SLK: variants seen among roughly 807,000 people sequenced by gnomAD.
SLK encodes STE20-like serine/threonine-protein kinase.
A neutral mutation model predicts 147.7 loss-of-function variants in SLK; 67 were observed. That is an observed-to-expected ratio of 0.45 (90% CI 0.37 to 0.56). The LOEUF (loss-of-function observed/expected upper bound fraction) is 0.56, where lower values mean the gene tolerates loss of function less well. Among genes scored for constraint, SLK ranks in the 20% least tolerant of loss-of-function variants. SLK has a pLI of 0.00. For missense variants in SLK, 1,136 were observed against 1,438.8 expected, an observed-to-expected ratio of 0.79 and a Z score of 3.41; for synonymous variants, 441 against 475.0, an observed-to-expected ratio of 0.93 and a Z score of 0.93.
At chr10:104,015,963 A>G (rs1373868980) in intron 13 of SLK, among the ~76,000 whole-genome samples, 1 of 152,188 alleles carries the variant, frequency 6.6e-6, no homozygotes, top group Admixed American at 6.5e-5. Flanking sequence ...TGTTGAACAA[A>G]AGAAAACCCT....
At chr10:103,985,535 A>G (rs1391750254) in intron 1 of SLK, among the ~76,000 whole-genome samples, 1 of 152,132 alleles carries the variant, frequency 6.6e-6, no homozygotes. Context: ...GATTGATAGA[A>G]TCAGTCCCAG....
chr10:103,992,698 A>G (rs577562821), intron 3 of SLK, 52 bp downstream of exon 3: 33 of 1,487,942 alleles, frequency 2.2e-5, no homozygotes, highest in East Asian at 2.1e-4. Context: ...ACTTGATAAG[A>G]TGAAAGAATT....
intron 12 of SLK, among the ~76,000 whole-genome samples, chr10:104,010,571 A>C (rs1020439197): frequency 1.3e-5 from 2 of 152,208 alleles, no homozygotes; most frequent in African/African-American, 4.8e-5. Flanking sequence ...TTTAAGAAAG[A>C]GAATGATACA....
At chr10:104,019,694 T>C in intron 15 of SLK, 40 bp from the exon 16 acceptor site, 1 of 1,475,296 alleles carries the variant, frequency 6.8e-7, no homozygotes, top group South Asian at 1.1e-5. Flanking sequence ...GTACTGACTA[T>C]TGTTTCTGCG....
intron 1 of SLK, among the ~76,000 whole-genome samples, chr10:103,990,190 G>A (rs776239257): frequency 3.3e-5 from 5 of 152,198 alleles, no homozygotes; most frequent in Non-Finnish European, 7.3e-5. Context: ...GGAGGAAGGA[G>A]GGGATGAGTA....
rs144592789 is a variant in SLK at position 103,993,793 on chromosome 10, T to G, written c.514+660T>G. 2.2e-3 allele frequency among the ~76,000 whole-genome samples: 328 copies of G among 152,328 alleles called. 3 individuals are homozygous for G. The highest frequency in any genetic ancestry group is 7.5e-3 in the African/African-American group (310 of 41,572). ...CAAATTTGTATATTTTGGAAGGCTA[T>G]TCAAAGGACAAAATATATTCAGAAG... On this transcript the variant is annotated intron_variant, in intron 4 of 18. Transcript: ENST00000369755.
rs536402214 is a variant in SLK, at chr10:104,024,620, A to G, written c.3562-954A>G. Among the ~76,000 whole-genome samples the G allele has an allele frequency of 2.0e-5, 3 of 152,254 alleles. 1 individual carries two copies. In the South Asian group the frequency reaches 6.2e-4, roughly 32 times the overall value. ...ATCAAATTCTTATCTTTCCTTCAGC[A>G]CTAAGCTCATGTTTCACCTCTTTTG... On this transcript the variant is annotated intron_variant, in intron 18 of 18. Coordinates refer to ENST00000369755, the MANE Select transcript of SLK (RefSeq NM_014720.4).
intron 4 of SLK, among the ~76,000 whole-genome samples, chr10:103,995,969 TGGTTCTCAA>T (rs1844165916): frequency 6.6e-6 from 1 of 152,220 alleles, no homozygotes; most frequent in East Asian, 1.9e-4. Flanking sequence ...TTGAGAGTTC[TGGTTCTCAA>T]GGACATTGAT....
At chr10:103,997,768 G>A (rs2134486614) in intron 4 of SLK, among the ~76,000 whole-genome samples, 2 of 151,790 alleles carry the variant, frequency 1.3e-5, no homozygotes, top group Middle Eastern at 6.8e-3. Context: ...GACTTACATG[G>A]CTCTTTTATG....
At position 103,993,159 on chromosome 10, in the gene SLK, T is replaced by A. The variant is rs1471139038; in HGVS notation, c.514+26T>A. On this transcript the variant is annotated intron_variant, in intron 4 of 18. Transcript: ENST00000369755. ...GTAAGTTATTCACTTAAATAAAACA[T>A]TAGAATTTTTACTCTGAAATTTCCA... 4 of 1,525,796 alleles carry A rather than the reference T, an allele frequency of 2.6e-6. No homozygotes were observed. The Admixed American group carries it at 7.4e-5, about 28-fold the overall frequency. 94.5% of individuals were successfully genotyped at this position (1,525,796 alleles called of 1,614,324 possible).
intron 16 of SLK, 97 bp downstream of exon 16, chr10:104,020,019 C>T: frequency 1.1e-6 from 1 of 921,262 alleles, no homozygotes; most frequent in Non-Finnish European, 1.7e-6. Context: ...ACAATTAGAG[C>T]CACCTTAGGC....
At chr10:103,969,682 G>T (rs951443217) in intron 1 of SLK, among the ~76,000 whole-genome samples, 1 of 152,196 alleles carries the variant, frequency 6.6e-6, no homozygotes, top group Non-Finnish European at 1.5e-5. Flanking sequence ...AAGATGCAAG[G>T]CTTCATTGTA....
intron 1 of SLK, 146 bp from the exon 2 acceptor site, chr10:103,990,529 T>G (rs1384176404): frequency 2.0e-6 from 1 of 488,302 alleles, no homozygotes; most frequent in African/African-American, 2.0e-5. Context: ...GCTTGTCTTC[T>G]CATTCTCTTG....
rs937794113 is a variant in SLK, at chr10:104,002,764, A to G, written c.1586A>G (p.Glu529Gly). Residue 529 changes from glutamate (E) to glycine (G), a missense_variant, in exon 9 of 19, where the codon GAG (glutamate) becomes GGG (glycine). Around this residue, in one of 6 missense-constraint regions of SLK, gnomAD observed 516 missense variants for 531.3 expected, o/e 0.97. Transcript: ENST00000369755. The stretch of plus-strand genomic sequence containing the variant: ...GGGCTTACAAAGGAAGACACCCAAG[A>G]GAAATTGGGGGAAGACGACAAAACT... ...EVGLTKEDTQ[E>G]KLGEDDKTQK... is the part of the protein sequence containing the mutation. 3 of 1,614,068 alleles carry G rather than the reference A, an allele frequency of 1.9e-6. No individual in the cohort carries two copies. Among genetic ancestry groups the G allele is most frequent in the Non-Finnish European group, 2.5e-6 (3 of 1,180,018 alleles).
intron 13 of SLK, among the ~76,000 whole-genome samples, chr10:104,016,695 T>G (rs1361977262): frequency 1.3e-5 from 2 of 152,176 alleles, no homozygotes; most frequent in Non-Finnish European, 2.9e-5. Context: ...TAGTTCACTC[T>G]CTGACATGAA....
chr10:103,985,295 C>T (rs779894468), intron 1 of SLK, among the ~76,000 whole-genome samples: 24 of 152,252 alleles, frequency 1.6e-4, no homozygotes, highest in South Asian at 8.3e-4. Flanking sequence ...GGCTGTATTA[C>T]GTTTCTTTTC....
intron 2 of SLK, 148 bp from the exon 3 acceptor site, chr10:103,992,450 C>T: frequency 1.4e-6 from 1 of 704,818 alleles, no homozygotes; most frequent in Non-Finnish European, 2.3e-6. Flanking sequence ...ACTCTTTTGA[C>T]AAAATCTTCG....
intron 9 of SLK, among the ~76,000 whole-genome samples, chr10:104,004,044 C>T (rs928788934): frequency 3.3e-5 from 5 of 151,878 alleles, no homozygotes; most frequent in Admixed American, 6.6e-5. Context: ...GAGTTACTAG[C>T]GGCTATGTAG....
chr10:103,989,713 C>T (rs1288725137), intron 1 of SLK, among the ~76,000 whole-genome samples: 1 of 152,122 alleles, frequency 6.6e-6, no homozygotes, highest in Non-Finnish European at 1.5e-5. Context: ...CGTGATCTGC[C>T]TGCCTCGGCC....
Sources: allele counts gnomAD v4.1 joint callset (sites outside exome capture counted in the v4.1 genomes callset), GRCh38; gene constraint gnomAD v4.1.1; regional missense constraint gnomAD v4.1.1; transcripts MANE v1.5; gene names NCBI Gene and HGNC (gene_info 2026-07-23, HGNC 2026-07-21).